The following MYO1E variants were observed in gnomAD, a reference collection of about 807,000 sequenced individuals.
MYO1E encodes unconventional myosin-Ie.
Under a neutral mutation model 151.1 loss-of-function variants are expected in MYO1E, and 68 were observed. The observed-to-expected ratio is 0.45, with a 90% CI of 0.37 to 0.55. MYO1E has a LOEUF of 0.55. Among genes scored for constraint, MYO1E ranks in the 20% least tolerant of loss-of-function variants. MYO1E has a pLI of 0.00. For synonymous variants in MYO1E, 601 were observed against 501.7 expected (o/e 1.20, Z -2.64); for missense variants, 1,363 against 1,389.3 (o/e 0.98, Z 0.30).
Position 59,173,884 on chromosome 15 carries a change from T to C in MYO1E, c.2196A>G (p.Arg732=), listed in dbSNP as rs749339031. ...ASDLLLNKKE[R]RRNSINRNFI... ...AGTTCCTGTTAATACTGTTTCTCCTTCTCTCCTTCTTGTTCAATAAGAGGT... is the reference window on the plus strand; with the variant it reads ...AGTTCCTGTTAATACTGTTTCTCCTCCTCTCCTTCTTGTTCAATAAGAGGT... The change falls in exon 21 of 28, where the codon AGA becomes AGG. Residue 732 remains arginine (R), a synonymous_variant. Coordinates refer to ENST00000288235, the MANE Select transcript of MYO1E (RefSeq NM_004998.4). 8 of 1,614,108 alleles carry C rather than the reference T, an allele frequency of 5.0e-6. No homozygotes were observed. Among genetic ancestry groups the C allele is most frequent in the Non-Finnish European group, 6.8e-6 (8 of 1,180,012 alleles).
intron 5 of MYO1E, among the ~76,000 whole-genome samples, chr15:59,236,107 C>A (rs760157845): frequency 1.3e-4 from 19 of 151,766 alleles, no homozygotes; most frequent in Non-Finnish European, 1.5e-5. Context: ...TTTGGGAGGC[C>A]GAGGAGGGCA....
chr15:59,272,450 C>G lies in MYO1E; in HGVS notation c.4-1G>C. The G allele has an allele frequency of 6.2e-7, 1 of 1,614,088 alleles. No homozygotes were observed. The highest frequency in any genetic ancestry group is 8.5e-7 in the Non-Finnish European group (1 of 1,179,946). ...GGTACTGGTAGACACCTTTGCTTCC[C>G]TGGGAACATAAAACATACAATTACT... On this transcript the variant is annotated splice_acceptor_variant, in intron 1 of 27. Transcript: ENST00000288235. LOFTEE classifies it high-confidence loss of function.
chr15:59,185,101 CTT>C (rs2079687810), intron 18 of MYO1E, among the ~76,000 whole-genome samples: 1 of 152,066 alleles, frequency 6.6e-6, no homozygotes, highest in African/African-American at 2.4e-5. Flanking sequence ...AGAAATGTCT[CTT>C]GAGATCTTTT....
chr15:59,361,824 ATTAAT>A (rs1322131515), intron 1 of MYO1E, among the ~76,000 whole-genome samples: 1 of 151,594 alleles, frequency 6.6e-6, no homozygotes, highest in Non-Finnish European at 1.5e-5. Context: ...GATTTTTTTA[ATTAAT>A]TTATTAATTA....
intron 4 of MYO1E, among the ~76,000 whole-genome samples, chr15:59,251,972 C>G (rs1308728711): frequency 6.6e-6 from 1 of 152,170 alleles, no homozygotes. Flanking sequence ...GGTATTGTTA[C>G]TTTAACAGCA....
At chr15:59,270,786 A>C (rs1414919815) in intron 2 of MYO1E, 4 of 151,834 alleles carry the variant, frequency 2.6e-5, no homozygotes, top group Non-Finnish European at 5.9e-5. Context: ...ATGCCTTGTA[A>C]CTGGGATTAC....
At chr15:59,193,064 A>ACAGTCTAGTTCTTTGCTCTAGATCC (rs71119437) in intron 17 of MYO1E, among the ~76,000 whole-genome samples, 62,140 of 151,228 alleles carry the variant, frequency 0.41, 14,669 homozygotes, top group African/African-American at 0.63. Context: ...GCACCGGGAC[A>ACAGTCTAGTTCTTTGCTCTAGATCC]CAGTCTAGTT....
At chr15:59,243,323 A>G (rs946062768) in intron 4 of MYO1E, among the ~76,000 whole-genome samples, 5 of 152,130 alleles carry the variant, frequency 3.3e-5, no homozygotes, top group African/African-American at 1.2e-4. Context: ...ACACACTGAA[A>G]TATTGTGGCT....
At chr15:59,358,937 GC>G (rs2080870103) in intron 1 of MYO1E, among the ~76,000 whole-genome samples, 1 of 152,156 alleles carries the variant, frequency 6.6e-6, no homozygotes, top group South Asian at 2.1e-4. Flanking sequence ...CCTAGGTCAG[GC>G]CACCACAGTT....
At chr15:59,322,317 A>C (rs1275201730) in intron 1 of MYO1E, among the ~76,000 whole-genome samples, 3 of 152,328 alleles carry the variant, frequency 2.0e-5, no homozygotes, top group Non-Finnish European at 2.9e-5. Context: ...CCTTGAATCT[A>C]AAGTAAAAGA....
At chr15:59,195,419 G>A in intron 17 of MYO1E, 42 bp downstream of exon 17, 1 of 1,537,484 alleles carries the variant, frequency 6.5e-7, no homozygotes, top group East Asian at 2.2e-5. Flanking sequence ...TGAGCAGAGG[G>A]AAAAAGGTCC....
At chr15:59,299,174 C>T (rs927869085) in intron 1 of MYO1E, among the ~76,000 whole-genome samples, 2 of 152,146 alleles carry the variant, frequency 1.3e-5, no homozygotes, top group East Asian at 1.9e-4. Flanking sequence ...ATATTAATAG[C>T]TACTGCTGAC....
chr15:59,207,321 T>C (rs1164768975), intron 14 of MYO1E: 1 of 1,614,008 alleles, frequency 6.2e-7, no homozygotes, highest in African/African-American at 1.3e-5. Flanking sequence ...CAAATATTGT[T>C]TGTAGCAAAG....
chr15:59,314,413 ACTGTGAGGGATAC>A (rs1172642278), intron 1 of MYO1E, among the ~76,000 whole-genome samples: 1 of 152,076 alleles, frequency 6.6e-6, no homozygotes, highest in African/African-American at 2.4e-5. Context: ...CTTCCCACAT[ACTGTGAGGGATAC>A]CTATTGAGTT....
intron 1 of MYO1E, among the ~76,000 whole-genome samples, chr15:59,349,626 T>A (rs1170647696): frequency 1.3e-5 from 2 of 152,196 alleles, no homozygotes. Flanking sequence ...AATTTCGTTC[T>A]GTGATGTCTG....
intron 4 of MYO1E, among the ~76,000 whole-genome samples, chr15:59,249,812 G>T (rs1465307012): frequency 1.3e-5 from 2 of 152,108 alleles, no homozygotes; most frequent in African/African-American, 4.8e-5. Flanking sequence ...ATTTTAAAAG[G>T]CACCATTCAA....
chr15:59,371,320 C>G (rs2080942938), intron 1 of MYO1E, among the ~76,000 whole-genome samples: 1 of 152,092 alleles, frequency 6.6e-6, no homozygotes, highest in South Asian at 2.1e-4. Context: ...TTTGACTTGG[C>G]TTCTCTTCCA....
chr15:59,188,599 G>A (rs55719847), intron 17 of MYO1E, among the ~76,000 whole-genome samples: 1 of 152,146 alleles, frequency 6.6e-6, no homozygotes, highest in Non-Finnish European at 1.5e-5. Flanking sequence ...GGGAGGCTGA[G>A]GCAGGAAAAT....
At chr15:59,170,471 G>T (rs1237928814) in intron 22 of MYO1E, among the ~76,000 whole-genome samples, 1 of 152,090 alleles carries the variant, frequency 6.6e-6, no homozygotes, top group Admixed American at 6.6e-5. Flanking sequence ...CAGCCTCAGG[G>T]CCCAGCTAGC....
Sources: allele counts gnomAD v4.1 joint callset (sites outside exome capture counted in the v4.1 genomes callset), GRCh38; gene constraint gnomAD v4.1.1; transcripts MANE v1.5; gene names NCBI Gene and HGNC (gene_info 2026-07-23, HGNC 2026-07-21).